VPS13C: variants seen among roughly 807,000 people sequenced by gnomAD.
The protein encoded by VPS13C is intermembrane lipid transfer protein VPS13C.
VPS13C carries 358 observed loss-of-function variants against 456.8 expected under a neutral mutation model. The ratio of observed to expected loss-of-function variants is 0.78; its 90% CI spans 0.72 to 0.86. The LOEUF (loss-of-function observed/expected upper bound fraction) is 0.86, where lower values mean the gene tolerates loss of function less well. Among genes scored for constraint, VPS13C ranks in the 40% least tolerant of loss-of-function variants. VPS13C has a pLI of 0.00. For synonymous variants in VPS13C, 1,578 were observed against 1,486.7 expected, an observed-to-expected ratio of 1.06 and a Z score of -1.41; for missense variants, 4,818 against 4,385.4, an observed-to-expected ratio of 1.10 and a Z score of -2.79.
In VPS13C at chr15:61,973,373, C is replaced by A; in HGVS notation, c.2617+81G>T. ...AATTACTACAGCACTTTCAGACTGCCCTTATTTTCTGAAAATGTTATCTCT... is the reference window on the plus strand; with the variant it reads ...AATTACTACAGCACTTTCAGACTGCACTTATTTTCTGAAAATGTTATCTCT... On this transcript the variant is annotated intron_variant, in intron 26 of 84. Transcript: ENST00000644861. 2.6e-6 allele frequency: 3 copies of A among 1,161,752 alleles called. No individual in the cohort carries two copies. In the South Asian group the frequency reaches 4.1e-5, roughly 16 times the overall value. The allele number at this position is 1,161,752 out of a possible 1,614,324, so 72.0% of individuals were successfully genotyped here.
intron 3 of VPS13C, among the ~76,000 whole-genome samples, chr15:62,038,693 T>G (rs890263105): frequency 6.6e-6 from 1 of 152,078 alleles, no homozygotes; most frequent in Non-Finnish European, 1.5e-5. Flanking sequence ...AGAAAATATT[T>G]GCAAATTATG....
intron 6 of VPS13C, 21 bp from the exon 7 acceptor site, chr15:62,023,866 A>G (rs1168539206): frequency 6.3e-7 from 1 of 1,599,892 alleles, no homozygotes. Flanking sequence ...GAAGCATTTT[A>G]GTGAGAAAAG....
At chr15:61,885,290 C>T (rs552851714) in intron 67 of VPS13C, among the ~76,000 whole-genome samples, 1 of 152,084 alleles carries the variant, frequency 6.6e-6, no homozygotes, top group African/African-American at 2.4e-5. Flanking sequence ...TAAAAAACAT[C>T]ATCAATTCTG....
intron 1 of VPS13C, among the ~76,000 whole-genome samples, chr15:62,058,399 G>A (rs2048872140): frequency 6.6e-6 from 1 of 151,982 alleles, no homozygotes; most frequent in African/African-American, 2.4e-5. Context: ...AACAAAGAAT[G>A]TACAGTAGGC....
At chr15:61,873,159 T>C (rs1202552671) in intron 78 of VPS13C, 87 bp downstream of exon 78, 2 of 1,566,720 alleles carry the variant, frequency 1.3e-6, no homozygotes, top group African/African-American at 1.4e-5. Context: ...CCTAGACTCA[T>C]AAGCAGCATT....
intron 83 of VPS13C, 46 bp downstream of exon 83, chr15:61,856,240 A>G (rs1372503411): frequency 6.2e-7 from 1 of 1,605,692 alleles, no homozygotes; most frequent in South Asian, 1.1e-5. Flanking sequence ...AAAACAGTCT[A>G]AAAGCAATGA....
At chr15:61,891,288 T>C (rs1219347128) in intron 66 of VPS13C, among the ~76,000 whole-genome samples, 1 of 152,124 alleles carries the variant, frequency 6.6e-6, no homozygotes, top group Non-Finnish European at 1.5e-5. Context: ...GAGTACCTAC[T>C]ATGTACTTTC....
At chr15:61,923,961 G>A (rs1246060801) in intron 53 of VPS13C, among the ~76,000 whole-genome samples, 2 of 133,828 alleles carry the variant, frequency 1.5e-5, no homozygotes, top group Non-Finnish European at 3.1e-5. Context: ...CGCCTCCCGG[G>A]TTCACGCCAT....
At position 62,033,547 on chromosome 15, in the gene VPS13C, A is replaced by C. The variant is rs1596507474; in HGVS notation, c.284-5T>G. ...TTACAGCATCATACTTAATACCTAA[A>C]AATATACAGTCAATTCACACAAAAA... On this transcript the variant is annotated splice_polypyrimidine_tract_variant and splice_region_variant and intron_variant, in intron 4 of 84. Transcript: ENST00000644861. 6.4e-7 allele frequency: 1 copy of C among 1,553,248 alleles called. No individual in the cohort carries two copies. Among genetic ancestry groups the C allele is most frequent in the East Asian group, 2.3e-5 (1 of 43,968 alleles).
intron 16 of VPS13C, among the ~76,000 whole-genome samples, chr15:61,995,439 T>A (rs115772857): frequency 1.0e-3 from 158 of 152,302 alleles, no homozygotes; most frequent in African/African-American, 3.6e-3. Context: ...GGGCATGACT[T>A]GCAACTAGTT....
intron 82 of VPS13C, among the ~76,000 whole-genome samples, chr15:61,860,953 C>CTTTTTTTTTTTTTTTTT (rs781045840): frequency 1.1e-5 from 1 of 89,698 alleles, no homozygotes; most frequent in East Asian, 4.0e-4. Flanking sequence ...TATTTTCTTT[C>CTTTTTTTTTTTTTTTTT]TTTTTTTTTT....
In VPS13C at chr15:61,920,328, A is replaced by G; in HGVS notation, c.7216T>C (p.Phe2406Leu). ...LNVFNNLAKG[F>L]SEGTASTFDY... ...AAAGTAGAAGCAGTGCCCTCTGAAA[A>G]ACCCTGAAAAGGAACATATCATCAC... The change falls in exon 57 of 85, where the codon TTT becomes CTT. Residue 2406 changes from phenylalanine to leucine, a missense_variant. Physicochemically the swap from Phe to Leu is conservative, Grantham distance 22. Around this residue, in one of 3 missense-constraint regions of VPS13C, gnomAD observed 4,552 missense variants for 4,130.6 expected, o/e 1.10. Coordinates refer to ENST00000644861, the MANE Select transcript of VPS13C (RefSeq NM_020821.3). 3 of 1,591,404 alleles carry G rather than the reference A, an allele frequency of 1.9e-6. No individual in the cohort carries two copies. Among genetic ancestry groups the G allele is most frequent in the Non-Finnish European group, 2.6e-6 (3 of 1,165,526 alleles).
chr15:61,884,749 T>C (rs1896144954), intron 67 of VPS13C, among the ~76,000 whole-genome samples: 2 of 152,242 alleles, frequency 1.3e-5, no homozygotes, highest in South Asian at 2.1e-4. Context: ...CCAAAATCTA[T>C]TGTAAATGTT....
At chr15:61,948,737 T>C (rs1011298862) in intron 42 of VPS13C, among the ~76,000 whole-genome samples, 2 of 151,484 alleles carry the variant, frequency 1.3e-5, no homozygotes, top group African/African-American at 4.9e-5. Context: ...GTACTGACAG[T>C]TTTACACCAA....
rs749379164 is a variant in VPS13C at position 62,028,415 on chromosome 15, G to A, written c.391C>T (p.His131Tyr). 6 of 1,612,862 alleles carry A rather than the reference G, an allele frequency of 3.7e-6. No individual in the cohort carries two copies. The highest frequency in any genetic ancestry group is 4.2e-6 in the Non-Finnish European group (5 of 1,179,204). Residue 131 changes from histidine to tyrosine, a missense_variant, in exon 6 of 85, where the codon CAT (histidine) becomes TAT (tyrosine). Transcript: ENST00000644861. ...ALQKAAEKGT[H>Y]SGEFIYGLEN... ...AAGCCATATATGAACTCCCCTGAATGTGTGCCTGCATCCCACATGGCAGCA... is the reference window on the plus strand; with the variant it reads ...AAGCCATATATGAACTCCCCTGAATATGTGCCTGCATCCCACATGGCAGCA...
At chr15:62,042,232 A>G (rs1429513944) in intron 2 of VPS13C, among the ~76,000 whole-genome samples, 1 of 152,194 alleles carries the variant, frequency 6.6e-6, no homozygotes, top group Non-Finnish European at 1.5e-5. Context: ...CCTATATTCC[A>G]AACAACTAGA....
chr15:62,028,844 C>T (rs1287427426), intron 5 of VPS13C, among the ~76,000 whole-genome samples: 2 of 152,000 alleles, frequency 1.3e-5, no homozygotes, highest in Admixed American at 6.6e-5. Flanking sequence ...CCTCATCTTA[C>T]TTTAGTGTGA....
Position 61,867,843 on chromosome 15 carries a change from A to G in VPS13C, c.10863+816T>C. The G allele has an allele frequency of 1.3e-6, 2 of 1,559,224 alleles. No homozygotes were observed. Among genetic ancestry groups the G allele is most frequent in the Non-Finnish European group, 8.7e-7 (1 of 1,154,444 alleles). ...AAAGAAAATTTCATTAAAATTGACA[A>G]TGGAATTCACACACAGTCAATTAAC... On this transcript the variant is annotated intron_variant, in intron 81 of 84. Coordinates refer to ENST00000644861, the MANE Select transcript of VPS13C (RefSeq NM_020821.3). The surrounding 1 kb of genome is among the most constrained non-coding windows in gnomAD (Gnocchi z 5.0).
At chr15:61,879,114 A>C (rs1203031777) in intron 73 of VPS13C, among the ~76,000 whole-genome samples, 2 of 152,114 alleles carry the variant, frequency 1.3e-5, no homozygotes, top group Non-Finnish European at 2.9e-5. Context: ...AATAACAATA[A>C]CATGACAATT....
Sources: allele counts gnomAD v4.1 joint callset (sites outside exome capture counted in the v4.1 genomes callset), GRCh38; gene constraint gnomAD v4.1.1; regional missense constraint gnomAD v4.1.1; non-coding constraint Gnocchi (gnomAD v3.1); transcripts MANE v1.5; gene names NCBI Gene and HGNC (gene_info 2026-07-23, HGNC 2026-07-21).